Variants in TEC observed in about 807,000 individuals in gnomAD.
The protein encoded by TEC is tyrosine-protein kinase Tec.
A neutral mutation model predicts 93.0 loss-of-function variants in TEC; 72 were observed. The observed-to-expected ratio is 0.77, with a 90% CI of 0.64 to 0.94. TEC has a LOEUF of 0.94. TEC is among the 40% of genes least tolerant of loss of function. The pLI, the probability that TEC is intolerant of heterozygous loss-of-function variation, is 0.00. For missense variants in TEC, 630 were observed against 757.9 expected, an observed-to-expected ratio of 0.83 and a Z score of 1.98; for synonymous variants, 249 against 247.7, an observed-to-expected ratio of 1.01 and a Z score of -0.05.
intron 7 of TEC, among the ~76,000 whole-genome samples, chr4:48,165,686 A>G (rs547642401): frequency 6.6e-6 from 1 of 152,336 alleles, no homozygotes; most frequent in African/African-American, 2.4e-5. Context: ...AAGTGACACC[A>G]CAAGAAAACA....
rs1210858990 is a variant in TEC, at chr4:48,138,927, C to T, written c.1631G>A (p.Ser544Asn). 2.0e-5 allele frequency: 32 copies of T among 1,614,100 alleles called. No homozygotes were observed. Among genetic ancestry groups the T allele is most frequent in the Non-Finnish European group, 2.5e-5 (29 of 1,180,044 alleles). The change falls in exon 16 of 18, where the codon AGC becomes AAC. Residue 544 changes from serine (S) to asparagine (N), a missense_variant. Ser to Asn is a conservative substitution (Grantham distance 46). Coordinates refer to ENST00000381501, the MANE Select transcript of TEC (RefSeq NM_003215.3). ...PEVFNYSRFS[S>N]KSDVWSFGVL... ...ACCAAATGACCAGACATCTGATTTG[C>T]TGCTGAAGCGGCTGTAATTAAACAC... is the stretch of plus-strand genomic sequence containing the variant.
At chr4:48,190,427 A>C (rs1207201359) in intron 2 of TEC, among the ~76,000 whole-genome samples, 1 of 152,194 alleles carries the variant, frequency 6.6e-6, no homozygotes, top group Non-Finnish European at 1.5e-5. Context: ...TGAGAGGCAA[A>C]TTTCTCTGAC....
At chr4:48,245,423 C>T (rs1406928162) in intron 1 of TEC, among the ~76,000 whole-genome samples, 2 of 152,148 alleles carry the variant, frequency 1.3e-5, no homozygotes, top group Non-Finnish European at 2.9e-5. Flanking sequence ...CACATACACA[C>T]ACAAACACAC....
intron 9 of TEC, 129 bp downstream of exon 9, chr4:48,156,551 T>C (rs1307158252): frequency 1.4e-6 from 1 of 711,198 alleles, no homozygotes; most frequent in Admixed American, 3.0e-5. Context: ...CCTCAGCCTC[T>C]GGGAATAGTT....
rs181703495 is a variant in TEC, at chr4:48,167,776, A to G, written c.671+2T>C. ...TATCACACACATAGAGGGAATACTTACCCATATTTATCTCTTGCTCTCCAC... is the reference window on the plus strand; with the variant it reads ...TATCACACACATAGAGGGAATACTTGCCCATATTTATCTCTTGCTCTCCAC... On this transcript the variant is annotated splice_donor_variant, in intron 7 of 17. Transcript: ENST00000381501. LOFTEE classifies it high-confidence loss of function. 6.2e-7 allele frequency: 1 copy of G among 1,613,434 alleles called. No individual in the cohort carries two copies. The highest frequency in any genetic ancestry group is 8.5e-7 in the Non-Finnish European group (1 of 1,179,588).
At chr4:48,187,263 A>C (rs963979351) in intron 2 of TEC, among the ~76,000 whole-genome samples, 11 of 152,094 alleles carry the variant, frequency 7.2e-5, no homozygotes, top group Non-Finnish European at 1.6e-4. Flanking sequence ...ACCACTCCCT[A>C]ATCTCAAGTA....
chr4:48,145,645 G>A, intron 12 of TEC, 66 bp from the exon 13 acceptor site: 3 of 1,550,120 alleles, frequency 1.9e-6, no homozygotes, highest in Admixed American at 1.8e-5. Flanking sequence ...CAGAGAGGGG[G>A]AAAAAGAACC....
At chr4:48,141,528 A>G (rs1719665826) in intron 14 of TEC, 109 bp from the exon 15 acceptor site, 1 of 1,082,070 alleles carries the variant, frequency 9.2e-7, no homozygotes, top group Non-Finnish European at 1.4e-6. Flanking sequence ...CAACATTTGC[A>G]GAGAGTGGAA....
intron 14 of TEC, among the ~76,000 whole-genome samples, chr4:48,144,116 G>A (rs565820790): frequency 2.3e-3 from 351 of 152,262 alleles, no homozygotes; most frequent in Non-Finnish European, 4.1e-3. Context: ...CTTGGGGGCT[G>A]AGGCAGGAGG....
intron 2 of TEC, among the ~76,000 whole-genome samples, chr4:48,202,082 G>A (rs1318458577): frequency 1.3e-5 from 2 of 149,550 alleles, no homozygotes; most frequent in African/African-American, 2.5e-5. Context: ...TCAGCCTCCC[G>A]AGTAGCTGGG....
At chr4:48,265,210 G>C (rs1724600838) in intron 1 of TEC, among the ~76,000 whole-genome samples, 1 of 151,594 alleles carries the variant, frequency 6.6e-6, no homozygotes, top group South Asian at 2.1e-4. Flanking sequence ...AAATATATAT[G>C]TATATATTCA....
chr4:48,266,015 G>C (rs1724631227), intron 1 of TEC, among the ~76,000 whole-genome samples: 1 of 152,172 alleles, frequency 6.6e-6, no homozygotes, highest in Non-Finnish European at 1.5e-5. Flanking sequence ...ACAAGAAAAA[G>C]CTGAGGAATC....
chr4:48,229,985 G>T lies in TEC; in HGVS notation c.-45-1326C>A, dbSNP rs185422729. Among the ~76,000 whole-genome samples the T allele has an allele frequency of 2.8e-3, 422 of 152,022 alleles. 2 individuals carry two copies. Among genetic ancestry groups the T allele is most frequent in the African/African-American group, 9.8e-3 (404 of 41,426 alleles). Reference sequence around the variant, plus strand: ...AGCTACTCGGGAGGCTGAGGCAGGAGAATCGCTTGAACCTGGGAGGTGGAA... The same window carrying T: ...AGCTACTCGGGAGGCTGAGGCAGGATAATCGCTTGAACCTGGGAGGTGGAA... On this transcript the variant is annotated intron_variant, in intron 1 of 17. Transcript: ENST00000381501.
intron 1 of TEC, among the ~76,000 whole-genome samples, chr4:48,240,282 A>T (rs1056048903): frequency 2.6e-5 from 4 of 152,168 alleles, no homozygotes; most frequent in African/African-American, 4.8e-5. Context: ...TCCATGTCCC[A>T]GTCATCAAAC....
At chr4:48,184,768 A>ACACACACAC (rs1190852276) in intron 2 of TEC, among the ~76,000 whole-genome samples, 6 of 97,010 alleles carry the variant, frequency 6.2e-5, no homozygotes, top group African/African-American at 2.1e-4. Flanking sequence ...AGACAAAAAA[A>ACACACACAC]ATACACACAC....
At chr4:48,260,636 T>C (rs531619517) in intron 1 of TEC, among the ~76,000 whole-genome samples, 19 of 151,128 alleles carry the variant, frequency 1.3e-4, no homozygotes, top group African/African-American at 4.6e-4. Flanking sequence ...AAAATCTAAG[T>C]GTCCAACAAC....
At chr4:48,265,464 C>CATATAT (rs201611439) in intron 1 of TEC, among the ~76,000 whole-genome samples, 8 of 142,306 alleles carry the variant, frequency 5.6e-5, no homozygotes, top group African/African-American at 1.8e-4. Context: ...TACATATATA[C>CATATAT]ACACACATAT....
At chr4:48,225,051 T>C (rs2109633029) in intron 2 of TEC, among the ~76,000 whole-genome samples, 1 of 152,366 alleles carries the variant, frequency 6.6e-6, no homozygotes, top group Middle Eastern at 3.4e-3. Context: ...AGGGCTATTT[T>C]ATTTCTGAAT....
chr4:48,139,147 G>C, intron 15 of TEC, 125 bp from the exon 16 acceptor site: 3 of 791,226 alleles, frequency 3.8e-6, no homozygotes, highest in South Asian at 3.4e-5. Flanking sequence ...GCATCCGGTT[G>C]AAGCTAAATG....
Sources: allele counts gnomAD v4.1 joint callset (sites outside exome capture counted in the v4.1 genomes callset), GRCh38; gene constraint gnomAD v4.1.1; transcripts MANE v1.5; gene names NCBI Gene and HGNC (gene_info 2026-07-23, HGNC 2026-07-21).